The following TMEM72 variants were observed in gnomAD, a reference collection of about 807,000 sequenced individuals.
The protein encoded by TMEM72 is transmembrane protein 72, also known as kidney-specific secretory protein of 37 kDa.
TMEM72 carries 9 observed loss-of-function variants against 16.3 expected under a neutral mutation model. The observed-to-expected ratio is 0.55, with a 90% CI of 0.33 to 0.96. The LOEUF (loss-of-function observed/expected upper bound fraction) is 0.96, where lower values mean the gene tolerates loss of function less well. Among genes scored for constraint, TMEM72 ranks in the 40% least tolerant of loss-of-function variants. The pLI is 0.03. For missense variants in TMEM72, 324 were observed against 337.8 expected, an observed-to-expected ratio of 0.96 and a Z score of 0.32; for synonymous variants, 160 against 146.5, an observed-to-expected ratio of 1.09 and a Z score of -0.66.
intron 1 of TMEM72, among the ~76,000 whole-genome samples, chr10:44,924,031 C>T (rs1840145006): frequency 6.6e-6 from 1 of 152,204 alleles, no homozygotes; most frequent in African/African-American, 2.4e-5. Flanking sequence ...CCCTCAGCCA[C>T]CACCAAATAT....
intron 2 of TMEM72, 187 bp from the exon 3 acceptor site, chr10:44,931,811 C>T (rs1840301615): frequency 4.8e-6 from 3 of 625,340 alleles, no homozygotes; most frequent in Non-Finnish European, 8.3e-6. Context: ...CCCACCTCTC[C>T]CCAGCATGGC....
intron 2 of TMEM72, 116 bp from the exon 3 acceptor site, chr10:44,931,882 C>A: frequency 9.9e-7 from 1 of 1,009,560 alleles, no homozygotes; most frequent in Non-Finnish European, 1.5e-6. Flanking sequence ...TGGGGGAATC[C>A]AGGTGAGTCC....
intron 1 of TMEM72, among the ~76,000 whole-genome samples, chr10:44,915,145 G>C (rs1839995430): frequency 6.6e-6 from 1 of 152,178 alleles, no homozygotes; most frequent in South Asian, 2.1e-4. Context: ...ATGTCTCTGG[G>C]CACTTGAGCA....
At chr10:44,931,818 T>C in intron 2 of TMEM72, 180 bp from the exon 3 acceptor site, 1 of 633,438 alleles carries the variant, frequency 1.6e-6, no homozygotes, top group South Asian at 2.0e-5. Context: ...CTCCCCAGCA[T>C]GGCCCAGTCC....
At chr10:44,925,985 AC>A (rs1256619723) in intron 1 of TMEM72, among the ~76,000 whole-genome samples, 2 of 151,798 alleles carry the variant, frequency 1.3e-5, no homozygotes, top group African/African-American at 4.8e-5. Context: ...ATATATACTC[AC>A]ACTCACATAT....
At chr10:44,929,470 T>A (rs1281164326) in intron 2 of TMEM72, among the ~76,000 whole-genome samples, 1 of 151,968 alleles carries the variant, frequency 6.6e-6, no homozygotes, top group Non-Finnish European at 1.5e-5. Context: ...CTCCCCCCCC[T>A]CCTCAGGATC....
rs112796143 is a variant in TMEM72, at chr10:44,931,772, C to A, written c.138-226C>A. 1.4e-4 allele frequency: 74 copies of A among 545,214 alleles called. 2 individuals carry two copies. Among genetic ancestry groups the A allele is most frequent in the African/African-American group, 1.3e-3 (67 of 52,430 alleles). The allele number at this position is 545,214 out of a possible 1,614,324, so 33.8% of individuals were successfully genotyped here. ...GCCATGTCACCTGCTGGCCACGGTGCCCTCCCCACCCATCTCTGAACCCCA... is the reference window on the plus strand; with the variant it reads ...GCCATGTCACCTGCTGGCCACGGTGACCTCCCCACCCATCTCTGAACCCCA... On this transcript the variant is annotated intron_variant, in intron 2 of 4. Coordinates refer to ENST00000389583, the MANE Select transcript of TMEM72 (RefSeq NM_001123376.3).
At chr10:44,923,721 A>G (rs1840140103) in intron 1 of TMEM72, among the ~76,000 whole-genome samples, 1 of 152,184 alleles carries the variant, frequency 6.6e-6, no homozygotes, top group Middle Eastern at 3.2e-3. Context: ...TGGCCAGCCC[A>G]CACCTCTGCC....
rs547955988 is a variant in TMEM72, at chr10:44,935,448, C to T, written c.*314C>T. On this transcript the variant is annotated 3_prime_UTR_variant, in exon 5 of 5. Transcript: ENST00000389583. ...CGCACGAGGCTGCAGGTGCCATTGA[C>T]TCAGCCCAGAAGGGACAGAGGATGT... is the stretch of plus-strand genomic sequence containing the variant. 9.5e-6 allele frequency: 3 copies of T among 315,476 alleles called. No individual in the cohort carries two copies. The East Asian group carries it at 1.6e-4, about 17-fold the overall frequency. The allele number at this position is 315,476 out of a possible 1,614,324, so 19.5% of individuals were successfully genotyped here. A position where few individuals can be genotyped will look rare whatever the true frequency, so the allele number is the denominator to read the frequency against.
At chr10:44,928,250 C>G (rs1017531355) in intron 2 of TMEM72, among the ~76,000 whole-genome samples, 3 of 151,790 alleles carry the variant, frequency 2.0e-5, no homozygotes, top group African/African-American at 7.3e-5. Flanking sequence ...ATCTGCCCAT[C>G]CATTCGTCAG....
Position 44,927,900 on chromosome 10 carries a change from CCTT to C in TMEM72, c.71-15_71-13del. Reference sequence around the variant, plus strand: ...GGTGTAGAGCACCAGGCCCACTCTTCCTTCTTCTCTTGCCCCTTAGTGTTGATC... The same window carrying C: ...GGTGTAGAGCACCAGGCCCACTCTTCCTTCTCTTGCCCCTTAGTGTTGATC... On this transcript the variant is annotated intron_variant, in intron 1 of 4. Transcript: ENST00000389583. 6.2e-7 allele frequency: 1 copy of C among 1,613,552 alleles called. No homozygotes were observed. Among genetic ancestry groups the C allele is most frequent in the South Asian group, 1.1e-5 (1 of 91,044 alleles).
At chr10:44,924,642 T>C (rs1840156348) in intron 1 of TMEM72, among the ~76,000 whole-genome samples, 1 of 152,252 alleles carries the variant, frequency 6.6e-6, no homozygotes. Flanking sequence ...TGTTTCAACC[T>C]GGCATGCTCT....
At chr10:44,912,210 G>A (rs1839947298) in intron 1 of TMEM72, among the ~76,000 whole-genome samples, 1 of 152,152 alleles carries the variant, frequency 6.6e-6, no homozygotes, top group South Asian at 2.1e-4. Flanking sequence ...TCCCAGAGAT[G>A]CTGGGCTCCT....
intron 1 of TMEM72, among the ~76,000 whole-genome samples, chr10:44,923,821 C>T (rs533210335): frequency 1.3e-5 from 2 of 152,198 alleles, no homozygotes; most frequent in Non-Finnish European, 2.9e-5. Context: ...TTCTCTGGGT[C>T]CCCAGACAGA....
In TMEM72 at chr10:44,936,490, A is replaced by C. The variant is rs959605112; in HGVS notation, c.*1356A>C. On this transcript the variant is annotated 3_prime_UTR_variant, in exon 5 of 5. Coordinates refer to ENST00000389583, the MANE Select transcript of TMEM72 (RefSeq NM_001123376.3). ...TAGTATCAGTTTGGGGCCTAAATGC[A>C]GCAGGTGTTCCTGATAAGCAGATAA... The C allele has an allele frequency of 6.6e-6, 1 of 152,274 alleles. No homozygotes were observed. Among genetic ancestry groups the C allele is most frequent in the Non-Finnish European group, 1.5e-5 (1 of 68,052 alleles). The allele number at this position is 152,274 out of a possible 1,614,324, so 9.4% of individuals were successfully genotyped here.
intron 1 of TMEM72, among the ~76,000 whole-genome samples, chr10:44,922,302 T>C (rs1840113194): frequency 6.6e-6 from 1 of 152,186 alleles, no homozygotes; most frequent in Admixed American, 6.5e-5. Flanking sequence ...GAGCTCCTTC[T>C]TACCTGTGAC....
chr10:44,912,676 A>G (rs1839954854), intron 1 of TMEM72, among the ~76,000 whole-genome samples: 1 of 152,214 alleles, frequency 6.6e-6, no homozygotes, highest in African/African-American at 2.4e-5. Flanking sequence ...TTAAGGATGC[A>G]GGAACTGAGC....
rs973902222 is a variant in TMEM72 at position 44,935,427 on chromosome 10, C to T, written c.*293C>T. Reference sequence around the variant, plus strand: ...ACAAGACCATCACTGCCACTGCGCACGAGGCTGCAGGTGCCATTGACTCAG... The same window carrying T: ...ACAAGACCATCACTGCCACTGCGCATGAGGCTGCAGGTGCCATTGACTCAG... On this transcript the variant is annotated 3_prime_UTR_variant, in exon 5 of 5. Coordinates refer to ENST00000389583, the MANE Select transcript of TMEM72 (RefSeq NM_001123376.3). 7 of 358,420 alleles carry T rather than the reference C, an allele frequency of 2.0e-5. No individual in the cohort carries two copies. Among genetic ancestry groups the T allele is most frequent in the Admixed American group, 8.8e-5 (2 of 22,784 alleles). 22.2% of individuals were successfully genotyped at this position (358,420 alleles called of 1,614,324 possible). A position where few individuals can be genotyped will look rare whatever the true frequency, so the allele number is the denominator to read the frequency against.
intron 1 of TMEM72, among the ~76,000 whole-genome samples, chr10:44,917,350 T>C (rs1016202860): frequency 6.6e-6 from 1 of 152,046 alleles, no homozygotes; most frequent in African/African-American, 2.4e-5. Context: ...GCTCCTTTTG[T>C]TGGAAGGAAG....
Sources: gnomAD v4.1 joint callset for allele counts (sites outside exome capture counted in the v4.1 genomes callset) on GRCh38, gnomAD v4.1.1 for gene constraint, MANE v1.5 for transcripts, NCBI Gene and HGNC (gene_info 2026-07-23, HGNC 2026-07-21) for gene names.